Variants in SLC24A3 observed in about 807,000 individuals in gnomAD.
SLC24A3 encodes solute carrier family 24 member 3.
In SLC24A3, 28 loss-of-function variants were observed where a neutral mutation model predicts 75.8. The ratio of observed to expected loss-of-function variants is 0.37; its 90% confidence interval spans 0.27 to 0.51. The LOEUF is 0.51. SLC24A3 is among the 20% of genes least tolerant of loss of function. SLC24A3 has a pLI of 0.94. For synonymous variants in SLC24A3, 372 were observed against 334.1 expected (o/e 1.11, Z -1.24); for missense variants, 663 against 847.8 (o/e 0.78, Z 2.71).
chr20:19,585,090 A>G, intron 5 of SLC24A3, 35 bp downstream of exon 5: 2 of 1,576,466 alleles, frequency 1.3e-6, no homozygotes, highest in Non-Finnish European at 1.7e-6. Context: ...TCAGACCTTC[A>G]CTGTCTGAAG....
At chr20:19,231,128 TAGAC>T (rs1351272549) in intron 1 of SLC24A3, among the ~76,000 whole-genome samples, 1 of 152,196 alleles carries the variant, frequency 6.6e-6, no homozygotes, top group Non-Finnish European at 1.5e-5. Flanking sequence ...AAAAAACAGG[TAGAC>T]AGGGCAGTTT....
intron 3 of SLC24A3, among the ~76,000 whole-genome samples, chr20:19,532,392 T>TCTG (rs2030318929): frequency 6.6e-6 from 1 of 152,178 alleles, no homozygotes; most frequent in Admixed American, 6.5e-5. Context: ...TCCCCAGGAC[T>TCTG]GTCTCAGCCT....
chr20:19,311,542 C>T (rs968706575), intron 2 of SLC24A3, among the ~76,000 whole-genome samples: 2 of 152,040 alleles, frequency 1.3e-5, no homozygotes, highest in Admixed American at 6.5e-5. Flanking sequence ...CAGGTGTGCA[C>T]GTTGGCCCCC....
intron 9 of SLC24A3, among the ~76,000 whole-genome samples, 157 bp downstream of exon 9, chr20:19,673,811 A>C (rs201866572): frequency 9.0e-6 from 1 of 111,150 alleles, no homozygotes. Flanking sequence ...AGTCACTGTA[A>C]TTTTGATTAG....
At chr20:19,246,649 A>G (rs971488250) in intron 1 of SLC24A3, among the ~76,000 whole-genome samples, 1 of 152,226 alleles carries the variant, frequency 6.6e-6, no homozygotes, top group African/African-American at 2.4e-5. Context: ...ATGTTTATTT[A>G]AATCTATGAT....
intron 6 of SLC24A3, among the ~76,000 whole-genome samples, chr20:19,649,840 T>C (rs933784313): frequency 2.0e-5 from 3 of 152,226 alleles, no homozygotes; most frequent in African/African-American, 7.2e-5. Flanking sequence ...CCACTGCTGG[T>C]ATTACCAACC....
chr20:19,270,810 AAG>A (rs962876068), intron 1 of SLC24A3, among the ~76,000 whole-genome samples: 10 of 151,196 alleles, frequency 6.6e-5, no homozygotes, highest in Non-Finnish European at 7.4e-5. Flanking sequence ...GGGTGGAAGA[AAG>A]AGAGAGAGAG....
At chr20:19,325,796 A>ATATATAGAGG (rs55662440) in intron 2 of SLC24A3, among the ~76,000 whole-genome samples, 1 of 46,794 alleles carries the variant, frequency 2.1e-5, no homozygotes, top group Non-Finnish European at 3.8e-5. Flanking sequence ...ATATATATAT[A>ATATATAGAGG]GAGAGAGAGA....
chr20:19,576,815 G>GAGTT (rs2031142543), intron 3 of SLC24A3, among the ~76,000 whole-genome samples: 1 of 152,264 alleles, frequency 6.6e-6, no homozygotes, highest in South Asian at 2.1e-4. Context: ...CTGTTTCAGT[G>GAGTT]AGTTGAATAT....
intron 3 of SLC24A3, among the ~76,000 whole-genome samples, chr20:19,533,264 C>G (rs2030334521): frequency 6.6e-6 from 1 of 152,124 alleles, no homozygotes; most frequent in Admixed American, 6.5e-5. Flanking sequence ...CTATGCTTCT[C>G]CAGGTGGCTT....
chr20:19,455,816 A>G (rs1179337235), intron 2 of SLC24A3, among the ~76,000 whole-genome samples: 1 of 152,226 alleles, frequency 6.6e-6, no homozygotes, highest in Non-Finnish European at 1.5e-5. Flanking sequence ...TTCTGGGGGA[A>G]GTCAAATGAA....
chr20:19,578,525 G>T (rs987706721), intron 3 of SLC24A3, among the ~76,000 whole-genome samples: 3 of 151,780 alleles, frequency 2.0e-5, no homozygotes, highest in African/African-American at 4.8e-5. Context: ...TCTCTGCTTG[G>T]CCCCTTACAG....
intron 13 of SLC24A3, chr20:19,696,580 G>T (rs2032808581): frequency 6.8e-6 from 3 of 441,348 alleles, no homozygotes; most frequent in Non-Finnish European, 1.2e-5. Flanking sequence ...TGTTTTGTTG[G>T]AAAGTTTGGG....
chr20:19,247,591 G>A (rs1982532290), intron 1 of SLC24A3, among the ~76,000 whole-genome samples: 2 of 152,116 alleles, frequency 1.3e-5, no homozygotes, highest in African/African-American at 4.8e-5. Context: ...ACAATCCCGC[G>A]TAGATGATGG....
chr20:19,242,317 C>T (rs1982353820), intron 1 of SLC24A3: 1 of 152,162 alleles, frequency 6.6e-6, no homozygotes, highest in Non-Finnish European at 1.5e-5. Flanking sequence ...TGTTTCACCT[C>T]ATTCCTTTAT....
intron 2 of SLC24A3, among the ~76,000 whole-genome samples, chr20:19,307,458 C>T (rs1002761005): frequency 8.5e-5 from 13 of 152,246 alleles, no homozygotes; most frequent in South Asian, 2.1e-4. Flanking sequence ...AAAGATAAAA[C>T]GTTTTTAAAA....
intron 6 of SLC24A3, among the ~76,000 whole-genome samples, chr20:19,593,841 G>A (rs562287827): frequency 1.3e-5 from 2 of 152,312 alleles, no homozygotes; most frequent in East Asian, 3.9e-4. Flanking sequence ...ACACTTGGGT[G>A]CAAAGGGACT....
intron 3 of SLC24A3, among the ~76,000 whole-genome samples, chr20:19,569,112 G>A (rs1418079029): frequency 6.6e-6 from 1 of 152,176 alleles, no homozygotes; most frequent in East Asian, 1.9e-4. Context: ...GGTCAGACCT[G>A]TCCAGCGTAA....
At chr20:19,469,777 C>CCATTAAG (rs1987835320) in intron 2 of SLC24A3, among the ~76,000 whole-genome samples, 2 of 152,200 alleles carry the variant, frequency 1.3e-5, no homozygotes, top group Admixed American at 6.5e-5. Flanking sequence ...AGGTCTCTAT[C>CCATTAAG]CATTAAGCTT....
Sources: gnomAD v4.1 joint callset for allele counts (sites outside exome capture counted in the v4.1 genomes callset) on GRCh38, gnomAD v4.1.1 for gene constraint, MANE v1.5 for transcripts, NCBI Gene and HGNC (gene_info 2026-07-23, HGNC 2026-07-21) for gene names.